BABAM2: variants seen among roughly 807,000 people sequenced by gnomAD.
BABAM2 encodes BRISC and BRCA1-A complex member 2.
In BABAM2, 31 loss-of-function variants were observed where a neutral mutation model predicts 54.7. The ratio of observed to expected loss-of-function variants is 0.57; its 90% CI spans 0.43 to 0.77. BABAM2 has a LOEUF of 0.77. BABAM2 is among the 30% of genes least tolerant of loss of function. BABAM2 has a pLI of 0.00. For synonymous variants in BABAM2, 167 were observed against 162.9 expected, an observed-to-expected ratio of 1.03 and a Z score of -0.19; for missense variants, 364 against 455.8, an observed-to-expected ratio of 0.80 and a Z score of 1.83.
chr2:28,258,631 T>TTTTTTTA (rs1684194708), intron 10 of BABAM2, among the ~76,000 whole-genome samples: 1 of 147,834 alleles, frequency 6.8e-6, no homozygotes, highest in Admixed American at 6.8e-5. Context: ...TTTTTTTTTT[T>TTTTTTTA]GAGACAGGAT....
intron 9 of BABAM2, among the ~76,000 whole-genome samples, chr2:28,242,516 G>A (rs539756357): frequency 1.2e-4 from 18 of 152,286 alleles, no homozygotes; most frequent in African/African-American, 2.6e-4. Context: ...ACCCATTGTC[G>A]TTAACGAGGC....
chr2:28,238,582 T>C (rs929358777), intron 8 of BABAM2, among the ~76,000 whole-genome samples: 24 of 152,238 alleles, frequency 1.6e-4, no homozygotes, highest in African/African-American at 5.8e-4. Context: ...CTCCACCGTC[T>C]GTGGGCCTGG....
At chr2:28,281,760 A>G (rs1686380428) in intron 10 of BABAM2, among the ~76,000 whole-genome samples, 1 of 152,194 alleles carries the variant, frequency 6.6e-6, no homozygotes, top group African/African-American at 2.4e-5. Flanking sequence ...AATTCTAAAC[A>G]AGCTACTTTG....
rs141929813 is a variant in BABAM2 at position 27,924,481 on chromosome 2, C to T, written c.129-5351C>T. Among the ~76,000 whole-genome samples the T allele has an allele frequency of 9.2e-4, 140 of 152,108 alleles. 2 individuals are homozygous for T. The highest frequency in any genetic ancestry group is 3.2e-3 in the African/African-American group (131 of 41,500). ...CTCACTGCAACCTCTGTATCTTGGG[C>T]TCAAGCGATTCTCCTTCCTCAGCCT... is the stretch of plus-strand genomic sequence containing the variant. On this transcript the variant is annotated intron_variant, in intron 2 of 11. Transcript: ENST00000379624.
rs144382993 is a variant in BABAM2 at position 28,083,068 on chromosome 2, T to A, written c.570+37269T>A. On this transcript the variant is annotated intron_variant, in intron 6 of 11. Transcript: ENST00000379624. Reference sequence around the variant, plus strand: ...AAAATGATGATCCATTCATCCTTCTTCAGCCTGTTAGAGTCTTTCCAGCTC... The same window carrying A: ...AAAATGATGATCCATTCATCCTTCTACAGCCTGTTAGAGTCTTTCCAGCTC... 7.6e-3 allele frequency among the ~76,000 whole-genome samples: 1,163 copies of A among 152,294 alleles called. 13 individuals carry two copies. The highest frequency in any genetic ancestry group is 0.027 in the African/African-American group (1,125 of 41,562).
chr2:28,240,477 CACAT>C (rs1682309818), intron 8 of BABAM2, among the ~76,000 whole-genome samples: 1 of 152,138 alleles, frequency 6.6e-6, no homozygotes, highest in Admixed American at 6.6e-5. Flanking sequence ...CAGGCACACA[CACAT>C]ACACACACTC....
At chr2:28,310,395 A>G (rs1688968568) in intron 11 of BABAM2, 2 of 443,846 alleles carry the variant, frequency 4.5e-6, no homozygotes, top group East Asian at 3.6e-5. Context: ...AGGTCCCCTC[A>G]GGCCATCTCT....
At chr2:28,068,901 C>T (rs574487867) in intron 6 of BABAM2, among the ~76,000 whole-genome samples, 1 of 152,254 alleles carries the variant, frequency 6.6e-6, no homozygotes, top group East Asian at 1.9e-4. Flanking sequence ...TTTTTCTCCG[C>T]TTTTATTTCA....
intron 7 of BABAM2, among the ~76,000 whole-genome samples, chr2:28,197,828 T>G (rs147085698): frequency 6.6e-6 from 1 of 152,182 alleles, no homozygotes; most frequent in Non-Finnish European, 1.5e-5. Flanking sequence ...AGGCCAGAAA[T>G]AATGTTTAAG....
At chr2:28,016,473 A>C (rs1210661393) in intron 4 of BABAM2, 2 of 1,219,558 alleles carry the variant, frequency 1.6e-6, no homozygotes, top group African/African-American at 3.0e-5. Context: ...CATTTGTCCC[A>C]CTTGCCCATG....
chr2:27,969,108 T>C (rs1247607573), intron 3 of BABAM2, among the ~76,000 whole-genome samples: 1 of 152,140 alleles, frequency 6.6e-6, no homozygotes, highest in Non-Finnish European at 1.5e-5. Context: ...TGAGATCTGA[T>C]GGTTCTATAA....
chr2:28,176,459 A>G (rs776219411), intron 7 of BABAM2, among the ~76,000 whole-genome samples: 1 of 148,752 alleles, frequency 6.7e-6, no homozygotes, highest in Non-Finnish European at 1.5e-5. Context: ...AGTCCCAGCT[A>G]CTTGGGAGGC....
chr2:28,180,658 A>C (rs112314922), intron 7 of BABAM2, among the ~76,000 whole-genome samples: 22 of 152,300 alleles, frequency 1.4e-4, no homozygotes, highest in African/African-American at 5.1e-4. Context: ...CAAAGGAAAC[A>C]AATCAACAGA....
intron 6 of BABAM2, among the ~76,000 whole-genome samples, chr2:28,121,972 T>C: frequency 6.6e-6 from 1 of 152,138 alleles, no homozygotes. Flanking sequence ...CCCAGCACTT[T>C]GGGAGGCCGA....
chr2:27,930,532 G>A (rs1055305536), intron 3 of BABAM2, among the ~76,000 whole-genome samples: 4 of 152,208 alleles, frequency 2.6e-5, no homozygotes, highest in Admixed American at 6.5e-5. Flanking sequence ...CTGATTTATT[G>A]AGAGAAGGTG....
At chr2:28,099,168 C>T (rs576759752) in intron 6 of BABAM2, among the ~76,000 whole-genome samples, 30 of 152,216 alleles carry the variant, frequency 2.0e-4, no homozygotes, top group South Asian at 4.2e-4. Context: ...AATGCAGTAA[C>T]CATACGAACA....
At chr2:27,954,160 T>G (rs953014462) in intron 3 of BABAM2, among the ~76,000 whole-genome samples, 1 of 152,232 alleles carries the variant, frequency 6.6e-6, no homozygotes, top group African/African-American at 2.4e-5. Context: ...GTTCTTCCTT[T>G]GTACTTATGC....
chr2:28,047,815 A>C (rs1044809293), intron 6 of BABAM2, among the ~76,000 whole-genome samples: 11 of 152,222 alleles, frequency 7.2e-5, no homozygotes, highest in Non-Finnish European at 1.5e-4. Flanking sequence ...AACAACAATG[A>C]CCAAAAAGGA....
chr2:27,933,764 G>GTTT (rs59022185), intron 3 of BABAM2, among the ~76,000 whole-genome samples: 132 of 110,792 alleles, frequency 1.2e-3, no homozygotes, highest in African/African-American at 1.7e-3. Context: ...TGCCTGGCTT[G>GTTT]TTTTTTTTTT....
Sources: allele counts gnomAD v4.1 joint callset (sites outside exome capture counted in the v4.1 genomes callset), GRCh38; gene constraint gnomAD v4.1.1; transcripts MANE v1.5; gene names NCBI Gene and HGNC (gene_info 2026-07-23, HGNC 2026-07-21).